Variants in IDO2 observed in about 807,000 individuals in gnomAD.
IDO2 encodes the protein indoleamine 2,3-dioxygenase-like 1 protein.
A neutral mutation model predicts 45.1 loss-of-function variants in IDO2; 46 were observed. That is an observed-to-expected ratio of 1.02 (90% CI 0.80 to 1.30). The LOEUF is 1.30. Among genes scored for constraint, IDO2 ranks in the 50% most tolerant of loss-of-function variants. The pLI is 0.00. For synonymous variants in IDO2, 218 were observed against 184.9 expected (o/e 1.18, Z -1.45); for missense variants, 544 against 491.8 (o/e 1.11, Z -1.00).
chr8:39,963,611 G>A (rs1191050604), exon 3 of IDO2: 2 of 1,596,200 alleles, frequency 1.3e-6, no homozygotes, highest in Admixed American at 3.4e-5. Flanking sequence ...AATGCAGAAA[G>A]AACTTCCAGA....
intron 9 of IDO2, among the ~76,000 whole-genome samples, chr8:40,011,469 C>T (rs7839169): frequency 0.11 from 16,165 of 152,202 alleles, 1,000 homozygotes; most frequent in Non-Finnish European, 0.13. Flanking sequence ...TGTTGTTCAT[C>T]AACTTTATTA....
intron 2 of IDO2, among the ~76,000 whole-genome samples, chr8:39,957,213 C>G (rs1263034677): frequency 6.6e-6 from 1 of 151,946 alleles, no homozygotes. Flanking sequence ...CACTTCAATC[C>G]ACCTTCATGT....
chr8:39,988,400 G>T (rs1203279993), intron 7 of IDO2, among the ~76,000 whole-genome samples: 1 of 152,138 alleles, frequency 6.6e-6, no homozygotes, highest in Non-Finnish European at 1.5e-5. Context: ...CAGTGATGCA[G>T]CTTGTGATCA....
chr8:39,936,532 G>A (rs1585390790), intron 1 of IDO2, among the ~76,000 whole-genome samples: 1 of 152,328 alleles, frequency 6.6e-6, no homozygotes, highest in East Asian at 1.9e-4. Flanking sequence ...CCATATATCT[G>A]CCCTGAGATG....
chr8:40,008,391 C>G (rs1359500384), intron 9 of IDO2, among the ~76,000 whole-genome samples: 1 of 152,084 alleles, frequency 6.6e-6, no homozygotes, highest in Non-Finnish European at 1.5e-5. Flanking sequence ...TCCTTCTCAC[C>G]TCTCCTTCTG....
At chr8:39,955,006 C>G (rs974500917) in intron 2 of IDO2, among the ~76,000 whole-genome samples, 3 of 151,354 alleles carry the variant, frequency 2.0e-5, no homozygotes, top group Non-Finnish European at 4.4e-5. Flanking sequence ...GGACACCAAT[C>G]AGATTAAATT....
chr8:39,942,922 T>A (rs1191105102), intron 1 of IDO2, among the ~76,000 whole-genome samples: 1 of 152,094 alleles, frequency 6.6e-6, no homozygotes, highest in Non-Finnish European at 1.5e-5. Flanking sequence ...ACATAAAAAA[T>A]AATGGGGCCA....
intron 1 of IDO2, among the ~76,000 whole-genome samples, chr8:39,937,543 C>G (rs950990754): frequency 6.9e-6 from 1 of 145,186 alleles, no homozygotes; most frequent in African/African-American, 2.6e-5. Context: ...TTTTTTGAGA[C>G]AAGGTGTCAC....
At chr8:39,978,289 CACCCGGGA>C (rs1218789665) in intron 3 of IDO2, among the ~76,000 whole-genome samples, 1 of 152,164 alleles carries the variant, frequency 6.6e-6, no homozygotes, top group Non-Finnish European at 1.5e-5. Flanking sequence ...GGGAGGGGAC[CACCCGGGA>C]AGATCCAGAT....
At chr8:39,999,401 A>G (rs1176047244) in intron 8 of IDO2, among the ~76,000 whole-genome samples, 1 of 148,564 alleles carries the variant, frequency 6.7e-6, no homozygotes, top group Non-Finnish European at 1.5e-5. Context: ...GCCTCAGCCT[A>G]CCGAGTAGCT....
intron 3 of IDO2, 27 bp downstream of exon 3, chr8:39,963,730 C>A (rs1808035609): frequency 4.4e-6 from 6 of 1,355,258 alleles, no homozygotes; most frequent in Non-Finnish European, 6.3e-6. Flanking sequence ...CCCCTCATCA[C>A]ATTCTGTTTT....
intron 3 of IDO2, among the ~76,000 whole-genome samples, chr8:39,968,179 A>C (rs767659865): frequency 5.3e-5 from 8 of 152,212 alleles, no homozygotes; most frequent in Non-Finnish European, 7.3e-5. Context: ...ATAGTGGAAT[A>C]GTATTCAGCG....
intron 1 of IDO2, among the ~76,000 whole-genome samples, chr8:39,939,532 G>A (rs1487501311): frequency 4.0e-5 from 5 of 124,684 alleles, no homozygotes; most frequent in African/African-American, 1.6e-4. Flanking sequence ...GAACGACAGG[G>A]CGAGACTCTG....
At chr8:39,992,671 A>G (rs1451502841) in intron 8 of IDO2, among the ~76,000 whole-genome samples, 1 of 152,186 alleles carries the variant, frequency 6.6e-6, no homozygotes, top group Non-Finnish European at 1.5e-5. Flanking sequence ...CTGGTTTGTA[A>G]TGATAAACTT....
chr8:39,980,070 T>C (rs1199112659), intron 4 of IDO2, among the ~76,000 whole-genome samples: 1 of 152,136 alleles, frequency 6.6e-6, no homozygotes, highest in East Asian at 1.9e-4. Flanking sequence ...GTGATCCTCC[T>C]GCCTTTGCCT....
intron 8 of IDO2, among the ~76,000 whole-genome samples, chr8:40,002,482 A>C (rs537051209): frequency 6.6e-6 from 1 of 152,256 alleles, no homozygotes; most frequent in South Asian, 2.1e-4. Context: ...AGAATCATCT[A>C]GCCAAGTTCC....
At chr8:39,996,073 T>TAAAAAAAA (rs59691325) in intron 8 of IDO2, among the ~76,000 whole-genome samples, 6 of 141,636 alleles carry the variant, frequency 4.2e-5, no homozygotes, top group East Asian at 2.0e-4. Flanking sequence ...TACCTAAGAG[T>TAAAAAAAA]AAAAAAAAAA....
At chr8:39,984,282 G>A (rs201103374) in intron 5 of IDO2, among the ~76,000 whole-genome samples, 2 of 150,152 alleles carry the variant, frequency 1.3e-5, no homozygotes, top group Non-Finnish European at 3.0e-5. Flanking sequence ...TGAGACCAGC[G>A]TGGCCAACAT....
chr8:39,970,134 A>C (rs911416647), intron 3 of IDO2, among the ~76,000 whole-genome samples: 1 of 152,256 alleles, frequency 6.6e-6, no homozygotes, highest in Non-Finnish European at 1.5e-5. Context: ...AACTTCCCTT[A>C]AACCAAAGCC....
Sources: allele counts gnomAD v4.1 joint callset (sites outside exome capture counted in the v4.1 genomes callset), GRCh38; gene constraint gnomAD v4.1.1; transcripts MANE v1.5; gene names NCBI Gene and HGNC (gene_info 2026-07-23, HGNC 2026-07-21).